The following HHIPL1 variants were observed in gnomAD, a reference collection of about 807,000 sequenced individuals.
The protein encoded by HHIPL1 is HHIP-like protein 1.
A neutral mutation model predicts 61.8 loss-of-function variants in HHIPL1; 43 were observed. That is an observed-to-expected ratio of 0.70 (90% CI 0.55 to 0.90). HHIPL1 has a LOEUF of 0.90. Among genes scored for constraint, HHIPL1 ranks in the 40% least tolerant of loss-of-function variants. The probability of loss-of-function intolerance (pLI) is 0.00; values close to 1 mark genes in which losing one functional copy is unlikely to be tolerated. For synonymous variants in HHIPL1, 482 were observed against 515.8 expected, an observed-to-expected ratio of 0.93 and a Z score of 0.89; for missense variants, 1,056 against 1,157.7, an observed-to-expected ratio of 0.91 and a Z score of 1.28.
In HHIPL1 at chr14:99,676,697, TG is replaced by T. The variant is rs1322719040; in HGVS notation, c.*1072del. 5 of 152,392 alleles carry T rather than the reference TG, an allele frequency of 3.3e-5. No homozygotes were observed. The highest frequency in any genetic ancestry group is 1.2e-4 in the African/African-American group (5 of 41,596). 9.4% of individuals were successfully genotyped at this position (152,392 alleles called of 1,614,324 possible). ...CCACTTTCCTGCCTCCTCTCTGACC[TG>T]CACCTGTGTGGGAGCCGGGGTGGGA... On this transcript the variant is annotated 3_prime_UTR_variant, in exon 9 of 9. Transcript: ENST00000330710.
the HHIPL1 span, among the ~76,000 whole-genome samples, chr14:99,606,234 T>C: frequency 3.9e-4 from 59 of 152,184 alleles, no homozygotes; most frequent in African/African-American, 1.4e-3. Flanking sequence ...AACCAGCTCC[T>C]GAGGGGAGGG....
the HHIPL1 span, among the ~76,000 whole-genome samples, chr14:99,621,963 C>T: frequency 6.6e-6 from 1 of 152,144 alleles, no homozygotes; most frequent in Non-Finnish European, 1.5e-5. Flanking sequence ...GATCCGCCCA[C>T]CTTGGCCTCC....
At chr14:99,632,285 G>T in the HHIPL1 span, among the ~76,000 whole-genome samples, 1 of 152,166 alleles carries the variant, frequency 6.6e-6, no homozygotes, top group African/African-American at 2.4e-5. Flanking sequence ...CTTCTTACCT[G>T]CACTCTCAGA....
At chr14:99,605,238 C>T in the HHIPL1 span, among the ~76,000 whole-genome samples, 3 of 152,214 alleles carry the variant, frequency 2.0e-5, no homozygotes, top group African/African-American at 7.2e-5. Flanking sequence ...CGCCGGGGTC[C>T]GGGGGCGCCG....
the HHIPL1 span, among the ~76,000 whole-genome samples, chr14:99,611,900 A>C: frequency 6.6e-6 from 1 of 152,254 alleles, no homozygotes; most frequent in Admixed American, 6.5e-5. Flanking sequence ...TGCTTTCCAA[A>C]GAGCTGGGGC....
chr14:99,636,184 G>A, the HHIPL1 span, among the ~76,000 whole-genome samples: 1 of 152,168 alleles, frequency 6.6e-6, no homozygotes, highest in African/African-American at 2.4e-5. Context: ...GTGGGTGTGA[G>A]TGGGAAGGGA....
In HHIPL1 at chr14:99,675,174, G is replaced by C. The variant is rs886171980; in HGVS notation, c.1897G>C (p.Ala633Pro). The stretch of plus-strand genomic sequence containing the variant: ...GCCCCGCCGAGGGCGCCCCACGGCC[G>C]CTCCCCCCGCGCCAACCCCGCGGCC... ...RAPRRGRPTA[A>P]PPAPTPRPAR... is the part of the protein sequence containing the mutation. Residue 633 changes from alanine to proline, a missense_variant, in exon 9 of 9, where the codon GCT (alanine) becomes CCT (proline). Ala to Pro is a conservative substitution (Grantham distance 27). Transcript: ENST00000330710. The surrounding 1 kb of genome is among the most constrained non-coding windows in gnomAD (Gnocchi z 5.4). 8.9e-7 allele frequency: 1 copy of C among 1,119,708 alleles called. No homozygotes were observed. Among genetic ancestry groups the C allele is most frequent in the Non-Finnish European group, 1.1e-6 (1 of 909,530 alleles). 69.4% of individuals were successfully genotyped at this position (1,119,708 alleles called of 1,614,324 possible).
At chr14:99,664,513 A>C (rs1282734339) in intron 6 of HHIPL1, among the ~76,000 whole-genome samples, 1 of 152,142 alleles carries the variant, frequency 6.6e-6, no homozygotes, top group Admixed American at 6.5e-5. Context: ...AACCAGGAGG[A>C]GGCACCAGTG....
chr14:99,643,103 C>T (rs1288162352), upstream of HHIPL1, among the ~76,000 whole-genome samples: 2 of 151,962 alleles, frequency 1.3e-5, no homozygotes, highest in Non-Finnish European at 2.9e-5. Flanking sequence ...TGCAATGGCA[C>T]GATCTCAGCT....
At chr14:99,630,171 G>A in the HHIPL1 span, among the ~76,000 whole-genome samples, 1 of 152,194 alleles carries the variant, frequency 6.6e-6, no homozygotes, top group Admixed American at 6.5e-5. Context: ...AGCCCCGGAG[G>A]AGCTCAGAAT....
At chr14:99,617,824 A>G in the HHIPL1 span, among the ~76,000 whole-genome samples, 2 of 152,084 alleles carry the variant, frequency 1.3e-5, no homozygotes, top group Non-Finnish European at 2.9e-5. Context: ...CAGTTTGCAA[A>G]GCACTCTCTG....
intron 2 of HHIPL1, among the ~76,000 whole-genome samples, chr14:99,656,308 C>T (rs1008542328): frequency 2.6e-5 from 4 of 152,140 alleles, no homozygotes; most frequent in African/African-American, 9.7e-5. Flanking sequence ...TAGGCCAGAA[C>T]GAGAAGACTT....
At chr14:99,645,585 A>G in intron 1 of HHIPL1, 123 bp downstream of exon 1, 1 of 1,050,356 alleles carries the variant, frequency 9.5e-7, no homozygotes, top group South Asian at 4.5e-5. Flanking sequence ...TCTAAGCCCC[A>G]ACAGGGAGTC....
chr14:99,657,230 GC>G, intron 3 of HHIPL1, 87 bp downstream of exon 3: 1 of 1,461,744 alleles, frequency 6.8e-7, no homozygotes, highest in Non-Finnish European at 9.4e-7. Context: ...TCCTTCCTCG[GC>G]CAGGCATTGT....
chr14:99,659,349 C>G, intron 3 of HHIPL1, 79 bp from the exon 4 acceptor site: 1 of 1,208,956 alleles, frequency 8.3e-7, no homozygotes. Flanking sequence ...CAGCCGGCGC[C>G]CCAGCACCTG....
intron 1 of HHIPL1, among the ~76,000 whole-genome samples, chr14:99,650,744 C>T (rs2055916044): frequency 6.6e-6 from 1 of 152,240 alleles, no homozygotes; most frequent in African/African-American, 2.4e-5. Context: ...GCCCTGGTGC[C>T]TGGTCCACAA....
Position 99,645,447 on chromosome 14 carries a change from G to C in HHIPL1, c.240G>C (p.Arg80Ser). Residue 80 changes from arginine (R) to serine (S), a missense_variant, in exon 1 of 9, where the codon AGG (arginine) becomes AGC (serine). Physicochemically the swap from Arg to Ser is moderately radical, Grantham distance 110. Coordinates refer to ENST00000330710, the MANE Select transcript of HHIPL1 (RefSeq NM_001127258.3). ...AEWAACAGYARDLLCQECSPY... is the reference protein window; with the variant it reads ...AEWAACAGYASDLLCQECSPY... The stretch of plus-strand genomic sequence containing the variant: ...GGGCCGCGTGCGCCGGCTACGCGAG[G>C]GACCTGCTGTGCCAGGTGAGCGGGC... 1 of 1,332,482 alleles carries C rather than the reference G, an allele frequency of 7.5e-7. No homozygotes were observed. Among genetic ancestry groups the C allele is most frequent in the South Asian group, 2.0e-5 (1 of 49,440 alleles). The allele number at this position is 1,332,482 out of a possible 1,614,324, so 82.5% of individuals were successfully genotyped here.
the HHIPL1 span, among the ~76,000 whole-genome samples, chr14:99,629,789 C>A: frequency 6.6e-6 from 1 of 152,340 alleles, no homozygotes; most frequent in East Asian, 1.9e-4. Context: ...AGGCGTAAGC[C>A]ACCGCGCCCA....
the HHIPL1 span, among the ~76,000 whole-genome samples, chr14:99,612,802 C>T: frequency 2.6e-5 from 4 of 152,260 alleles, no homozygotes; most frequent in South Asian, 8.3e-4. Flanking sequence ...TCTGCAGCTG[C>T]ACCCTCTGGG....
Sources: gnomAD v4.1 joint callset for allele counts (sites outside exome capture counted in the v4.1 genomes callset) on GRCh38, gnomAD v4.1.1 for gene constraint, Gnocchi (gnomAD v3.1) non-coding constraint, MANE v1.5 for transcripts, NCBI Gene and HGNC (gene_info 2026-07-23, HGNC 2026-07-21) for gene names.